PIK3C2G: variants seen among roughly 807,000 people sequenced by gnomAD.
PIK3C2G encodes phosphatidylinositol 3-kinase C2 domain-containing subunit gamma.
In PIK3C2G, 168 loss-of-function variants were observed where a neutral mutation model predicts 181.1. That is an observed-to-expected ratio of 0.93 (90% CI 0.82 to 1.05). PIK3C2G has a LOEUF of 1.05. PIK3C2G is among the 50% of genes least tolerant of loss of function. PIK3C2G has a pLI of 0.00. For missense variants in PIK3C2G, 1,869 were observed against 1,732.8 expected (o/e 1.08, Z -1.40); for synonymous variants, 573 against 592.2 (o/e 0.97, Z 0.47).
chr12:18,572,289 A>C (rs11044193), intron 29 of PIK3C2G, among the ~76,000 whole-genome samples: 1 of 147,892 alleles, frequency 6.8e-6, no homozygotes, highest in Non-Finnish European at 1.5e-5. Flanking sequence ...ATTATATAAA[A>C]ATATATATAT....
rs148636809 is a variant in PIK3C2G, at chr12:18,255,814, G to A, written c.-79+7732G>A. Reference sequence around the variant, plus strand: ...ACCCAAATATCCAGGTATACAAGAAGAGGAAAAGCACAGCTGTCATTTTTC... The same window carrying A: ...ACCCAAATATCCAGGTATACAAGAAAAGGAAAAGCACAGCTGTCATTTTTC... On this transcript the variant is annotated intron_variant, in intron 1 of 11. Coordinates refer to the PIK3C2G transcript ENST00000535651. Among the ~76,000 whole-genome samples, 361 of 152,294 alleles carry A rather than the reference G, an allele frequency of 2.4e-3. 2 individuals are homozygous for A. Among genetic ancestry groups the A allele is most frequent in the African/African-American group, 8.4e-3 (347 of 41,550 alleles).
chr12:18,518,824 T>C (rs2136172163), intron 24 of PIK3C2G, among the ~76,000 whole-genome samples: 1 of 152,332 alleles, frequency 6.6e-6, no homozygotes, highest in South Asian at 2.1e-4. Flanking sequence ...ATTGTGATGT[T>C]AGAGTGCTGA....
At chr12:18,373,510 T>C (rs897487676) in intron 13 of PIK3C2G, among the ~76,000 whole-genome samples, 12 of 152,112 alleles carry the variant, frequency 7.9e-5, no homozygotes, top group African/African-American at 2.4e-4. Context: ...AAAATAAAAA[T>C]AAACTTCTAC....
intron 18 of PIK3C2G, among the ~76,000 whole-genome samples, chr12:18,437,035 C>T (rs2135799425): frequency 6.6e-6 from 1 of 152,076 alleles, no homozygotes; most frequent in South Asian, 2.1e-4. Context: ...TGGGGAATTA[C>T]TAAACAGTTT....
intron 5 of PIK3C2G, among the ~76,000 whole-genome samples, chr12:18,300,084 G>C (rs1591871271): frequency 6.6e-6 from 1 of 152,014 alleles, no homozygotes; most frequent in South Asian, 2.1e-4. Context: ...TTCAAATTTT[G>C]TGACTAGTTT....
chr12:18,312,316 A>G (rs550626841), intron 5 of PIK3C2G, among the ~76,000 whole-genome samples: 19 of 152,332 alleles, frequency 1.2e-4, no homozygotes, highest in African/African-American at 4.3e-4. Flanking sequence ...CAGTTTAAGT[A>G]AGCACGCAGT....
chr12:18,441,779 G>A (rs1946759088), intron 18 of PIK3C2G, among the ~76,000 whole-genome samples: 1 of 152,148 alleles, frequency 6.6e-6, no homozygotes, highest in African/African-American at 2.4e-5. Flanking sequence ...CAGCAAAGCA[G>A]ATGACAAAAA....
intron 1 of PIK3C2G, among the ~76,000 whole-genome samples, chr12:18,278,674 T>C (rs149570354): frequency 2.0e-5 from 3 of 152,238 alleles, no homozygotes; most frequent in African/African-American, 7.2e-5. Context: ...TTAAACTACA[T>C]GTGTAGTTCT....
intron 22 of PIK3C2G, among the ~76,000 whole-genome samples, chr12:18,501,132 TCATTCTTGAAGTCAGTGAGACCA>T (rs1423489569): frequency 6.6e-6 from 1 of 152,170 alleles, no homozygotes; most frequent in Non-Finnish European, 1.5e-5. Flanking sequence ...GTCCGCGGCT[TCATTCTTGAAGTCAGTGAGACCA>T]GGAACCCAGC....
Position 18,647,944 on chromosome 12 carries a change from AT to A in PIK3C2G, c.4380del (p.Phe1460LeufsTer22), listed in dbSNP as rs749213754. On this transcript the variant is annotated frameshift_variant, in exon 33 of 33. Transcript: ENST00000538779. LOFTEE classifies it high-confidence loss of function. ...LMLIVKSKTV[F>X]VGAINIRLCS... ...TGCTTATTGTGAAGAGTAAAACTGT[AT>A]TTGTGGGAGCAATTAACATCCGACT... 3 of 1,602,016 alleles carry A rather than the reference AT, an allele frequency of 1.9e-6. No individual in the cohort carries two copies. Among genetic ancestry groups the A allele is most frequent in the Non-Finnish European group, 2.6e-6 (3 of 1,172,424 alleles).
chr12:18,661,414 T>C, the PIK3C2G span, among the ~76,000 whole-genome samples: 1 of 151,788 alleles, frequency 6.6e-6, no homozygotes, highest in Non-Finnish European at 1.5e-5. Flanking sequence ...AAGAGAGAAG[T>C]GACACATCAC....
chr12:18,385,011 A>G (rs1344752212), intron 14 of PIK3C2G, among the ~76,000 whole-genome samples: 6 of 152,154 alleles, frequency 3.9e-5, no homozygotes, highest in Non-Finnish European at 8.8e-5. Context: ...CCTAAAGATT[A>G]TGAGATGGTG....
chr12:18,399,209 AAT>A (rs1288135191), intron 15 of PIK3C2G, among the ~76,000 whole-genome samples: 9 of 150,702 alleles, frequency 6.0e-5, no homozygotes, highest in African/African-American at 2.2e-4. Context: ...AAAAAAAAAA[AAT>A]ATGCCATTTT....
chr12:18,397,730 T>G (rs59442278), intron 15 of PIK3C2G, among the ~76,000 whole-genome samples: 1 of 152,132 alleles, frequency 6.6e-6, no homozygotes, highest in African/African-American at 2.4e-5. Context: ...CTTGTAAAGA[T>G]AAATACCTAA....
upstream of PIK3C2G, among the ~76,000 whole-genome samples, chr12:18,245,361 C>A (rs552111952): frequency 7.2e-5 from 11 of 152,114 alleles, no homozygotes; most frequent in South Asian, 2.1e-4. Flanking sequence ...AAAAAACCTA[C>A]TCCGTAGTGA....
At chr12:18,587,967 C>A (rs1425928091) in intron 29 of PIK3C2G, among the ~76,000 whole-genome samples, 3 of 151,932 alleles carry the variant, frequency 2.0e-5, no homozygotes, top group African/African-American at 4.8e-5. Flanking sequence ...CTATAGCCAA[C>A]CGTTTTTTGA....
chr12:18,546,327 T>G lies in PIK3C2G; in HGVS notation c.3485T>G (p.Leu1162Arg), dbSNP rs772773741. The G allele has an allele frequency of 1.4e-5, 22 of 1,554,712 alleles. No individual in the cohort carries two copies. The Admixed American group carries it at 1.7e-4, about 12-fold the overall frequency. The change falls in exon 26 of 33, where the codon CTG becomes CGG. Residue 1162 changes from leucine (L) to arginine (R), a missense_variant. Transcript: ENST00000538779. ...CTTGTTCTTGTTGTGGTTAAGATGC[T>G]GTATGCAGGACTGCCTGAGCTAAGT... ...QLLLNLLEMM[L>R]YAGLPELSGI...
chr12:18,500,573 A>G (rs970430420), intron 22 of PIK3C2G, among the ~76,000 whole-genome samples: 30 of 152,152 alleles, frequency 2.0e-4, no homozygotes, highest in African/African-American at 6.0e-4. Flanking sequence ...TGCAGCCCCA[A>G]TGCGAGATCC....
At chr12:18,640,389 A>G in intron 31 of PIK3C2G, 40 bp from the exon 32 acceptor site, 2 of 1,572,972 alleles carry the variant, frequency 1.3e-6, no homozygotes, top group Non-Finnish European at 1.7e-6. Flanking sequence ...TTTCTTTGAT[A>G]GCAACATGCA....
Sources: allele counts gnomAD v4.1 joint callset (sites outside exome capture counted in the v4.1 genomes callset), GRCh38; gene constraint gnomAD v4.1.1; transcripts MANE v1.5; gene names NCBI Gene and HGNC (gene_info 2026-07-23, HGNC 2026-07-21).